Variants in TYW1 observed in about 807,000 individuals in gnomAD.
TYW1 encodes S-adenosyl-L-methionine-dependent tRNA 4-demethylwyosine synthase TYW1.
A neutral mutation model predicts 96.2 loss-of-function variants in TYW1; 46 were observed. The ratio of observed to expected loss-of-function variants is 0.48; its 90% CI spans 0.38 to 0.61. TYW1 has a LOEUF of 0.61. Ranked by LOEUF, TYW1 falls within the 20% of genes least tolerant of loss-of-function variation. The probability of loss-of-function intolerance (pLI) is 0.00; values close to 1 mark genes in which losing one functional copy is unlikely to be tolerated. For synonymous variants in TYW1, 274 were observed against 323.0 expected (o/e 0.85, Z 1.63); for missense variants, 684 against 909.6 (o/e 0.75, Z 3.19).
intron 15 of TYW1, among the ~76,000 whole-genome samples, chr7:67,222,392 G>T (rs1563078280): frequency 1.3e-5 from 2 of 152,130 alleles, no homozygotes; most frequent in Non-Finnish European, 2.9e-5. Flanking sequence ...CTAGTAGATT[G>T]ATGAACTCCC....
intron 13 of TYW1, among the ~76,000 whole-genome samples, chr7:67,182,550 C>G (rs574748790): frequency 1.3e-5 from 2 of 152,086 alleles, no homozygotes; most frequent in Non-Finnish European, 2.9e-5. Context: ...GAGGGCGAGA[C>G]CCTGTCTCTA....
chr7:67,138,123 C>T (rs760222909), intron 13 of TYW1, among the ~76,000 whole-genome samples: 7 of 152,080 alleles, frequency 4.6e-5, no homozygotes, highest in East Asian at 1.9e-4. Context: ...CAGAGAGGAG[C>T]GAGGGGTTCC....
At chr7:67,114,076 A>G (rs1360537061) in intron 12 of TYW1, among the ~76,000 whole-genome samples, 1 of 152,250 alleles carries the variant, frequency 6.6e-6, no homozygotes, top group African/African-American at 2.4e-5. Flanking sequence ...CAAGAAGGGT[A>G]AAGCACACAG....
chr7:67,029,123 C>T (rs1023984351), intron 7 of TYW1, among the ~76,000 whole-genome samples: 19 of 151,788 alleles, frequency 1.3e-4, no homozygotes, highest in Admixed American at 4.6e-4. Context: ...CTCAGCCTCC[C>T]GAGTAGCTGG....
chr7:67,217,198 T>C (rs964798297), intron 15 of TYW1, among the ~76,000 whole-genome samples: 30 of 152,166 alleles, frequency 2.0e-4, no homozygotes, highest in Admixed American at 3.3e-4. Flanking sequence ...GCAATTTTTT[T>C]CCCCATTTTC....
intron 13 of TYW1, among the ~76,000 whole-genome samples, chr7:67,148,765 A>G: frequency 6.6e-6 from 1 of 152,140 alleles, no homozygotes; most frequent in Non-Finnish European, 1.5e-5. Flanking sequence ...TAGGTCACAC[A>G]GATAATGGAT....
intron 3 of TYW1, among the ~76,000 whole-genome samples, chr7:67,009,297 T>C (rs899999237): frequency 6.6e-6 from 1 of 152,176 alleles, no homozygotes; most frequent in African/African-American, 2.4e-5. Context: ...CTTGCCTGGC[T>C]GATATGTTTA....
intron 13 of TYW1, among the ~76,000 whole-genome samples, chr7:67,139,844 A>G (rs987825452): frequency 3.3e-5 from 5 of 151,534 alleles, no homozygotes; most frequent in African/African-American, 1.2e-4. Flanking sequence ...TCTTAAAATT[A>G]TCTTTTTTTG....
At chr7:67,102,940 C>T (rs1372864117) in intron 12 of TYW1, among the ~76,000 whole-genome samples, 1 of 152,222 alleles carries the variant, frequency 6.6e-6, no homozygotes, top group East Asian at 1.9e-4. Context: ...TGAGCCATCA[C>T]GCCCGGTCAC....
chr7:67,079,207 G>A (rs554032013), intron 10 of TYW1, among the ~76,000 whole-genome samples: 1 of 146,554 alleles, frequency 6.8e-6, no homozygotes. Flanking sequence ...TGTGTTTTAG[G>A]TTTGGTGGAA....
intron 9 of TYW1, 136 bp downstream of exon 9, chr7:67,056,023 A>G: frequency 1.4e-6 from 1 of 693,026 alleles, no homozygotes; most frequent in Non-Finnish European, 2.3e-6. Flanking sequence ...TGATTCTTTA[A>G]AATGAGTTCA....
At chr7:67,224,883 A>T (rs1045980531) in intron 15 of TYW1, among the ~76,000 whole-genome samples, 4 of 152,114 alleles carry the variant, frequency 2.6e-5, no homozygotes, top group Non-Finnish European at 5.9e-5. Flanking sequence ...AAAGGAGGAA[A>T]CTGAGGCTTA....
At chr7:67,094,104 T>C (rs1796810151) in intron 11 of TYW1, among the ~76,000 whole-genome samples, 1 of 152,050 alleles carries the variant, frequency 6.6e-6, no homozygotes, top group South Asian at 2.1e-4. Flanking sequence ...TGATATTTGA[T>C]GTTCTGTTTT....
At chr7:67,134,806 A>G (rs1461816590) in intron 13 of TYW1, among the ~76,000 whole-genome samples, 1 of 150,524 alleles carries the variant, frequency 6.6e-6, no homozygotes, top group Non-Finnish European at 1.5e-5. Context: ...TAATTGAGGT[A>G]TAATTTACAT....
At chr7:67,193,702 T>C (rs1584679559) in intron 14 of TYW1, among the ~76,000 whole-genome samples, 1 of 148,624 alleles carries the variant, frequency 6.7e-6, no homozygotes, top group Admixed American at 6.8e-5. Context: ...GAGGCTGCAG[T>C]GAGCCGAGAT....
intron 7 of TYW1, among the ~76,000 whole-genome samples, chr7:67,026,062 C>T (rs1794442843): frequency 6.6e-6 from 1 of 151,940 alleles, no homozygotes; most frequent in Non-Finnish European, 1.5e-5. Flanking sequence ...AAATAATTAC[C>T]TATCGATTAA....
At chr7:67,053,791 G>A (rs1241513456) in intron 8 of TYW1, among the ~76,000 whole-genome samples, 1 of 152,186 alleles carries the variant, frequency 6.6e-6, no homozygotes, top group African/African-American at 2.4e-5. Flanking sequence ...TGTTTCTCTT[G>A]TGAATGTGCT....
chr7:67,112,120 A>AAAAAAAAAAAAAAAAAAG (rs1424171580), intron 12 of TYW1, among the ~76,000 whole-genome samples: 3 of 148,690 alleles, frequency 2.0e-5, no homozygotes, highest in Admixed American at 6.8e-5. Flanking sequence ...AAAAAAAAAA[A>AAAAAAAAAAAAAAAAAAG]AAAGAAAGTG....
chr7:67,151,739 A>C (rs192918848), intron 13 of TYW1, among the ~76,000 whole-genome samples: 57 of 152,222 alleles, frequency 3.7e-4, no homozygotes, highest in Middle Eastern at 3.4e-3. Flanking sequence ...CAGGGCCCAA[A>C]TCTGGCGTGA....
Sources: allele counts gnomAD v4.1 joint callset (sites outside exome capture counted in the v4.1 genomes callset), GRCh38; gene constraint gnomAD v4.1.1; transcripts MANE v1.5; gene names NCBI Gene and HGNC (gene_info 2026-07-23, HGNC 2026-07-21).